The following LTA4H variants were observed in gnomAD, a reference collection of about 807,000 sequenced individuals.
The protein encoded by LTA4H is leukotriene A-4 hydrolase.
In LTA4H, 59 loss-of-function variants were observed where a neutral mutation model predicts 89.8. The observed-to-expected ratio is 0.66, with a 90% CI of 0.53 to 0.82. The LOEUF (loss-of-function observed/expected upper bound fraction) is 0.82, where lower values mean the gene tolerates loss of function less well. Among genes scored for constraint, LTA4H ranks in the 40% least tolerant of loss-of-function variants. The pLI is 0.00. For missense variants in LTA4H, 617 were observed against 727.0 expected (o/e 0.85, Z 1.74); for synonymous variants, 227 against 253.1 (o/e 0.90, Z 0.98).
chr12:96,039,230 G>GTAA (rs1023944377), upstream of LTA4H, among the ~76,000 whole-genome samples: 4 of 151,768 alleles, frequency 2.6e-5, no homozygotes, highest in Non-Finnish European at 5.9e-5. Flanking sequence ...ACAAATAATA[G>GTAA]TAATAATAAT....
At chr12:96,037,735 C>T (rs1001150063), upstream of LTA4H, among the ~76,000 whole-genome samples, 23 of 147,626 alleles carry the variant, frequency 1.6e-4, no homozygotes, top group Non-Finnish European at 2.7e-4. Flanking sequence ...GCTCTGTCGC[C>T]TAGGCTGGAG....
chr12:96,043,441 C>G, exon 1 of LTA4H: 2 of 959,994 alleles, frequency 2.1e-6, no homozygotes, highest in Non-Finnish European at 3.2e-6. Context: ...CATGCATCCT[C>G]TTGCCCTCTT....
At chr12:96,006,204 T>C (rs1950197139) in intron 16 of LTA4H, 110 bp downstream of exon 16, 2 of 575,486 alleles carry the variant, frequency 3.5e-6, no homozygotes, top group East Asian at 2.8e-5. Context: ...TTATAAATGA[T>C]TTTTTCCCCA....
At position 96,016,103 on chromosome 12, in the gene LTA4H, C is replaced by T. The variant is rs543007584; in HGVS notation, c.948-409G>A. Among the ~76,000 whole-genome samples, 37 of 152,006 alleles carry T rather than the reference C, an allele frequency of 2.4e-4. No individual in the cohort carries two copies. The South Asian group carries it at 4.4e-3, about 18-fold the overall frequency. Reference sequence around the variant, plus strand: ...CCGAGGCGGGAGAATTATCTGAGGTCAGGAGTTCAAGACCAGCCTGGCCAA... The same window carrying T: ...CCGAGGCGGGAGAATTATCTGAGGTTAGGAGTTCAAGACCAGCCTGGCCAA... On this transcript the variant is annotated intron_variant, in intron 10 of 18. Transcript: ENST00000228740.
intron 6 of LTA4H, 190 bp downstream of exon 6, chr12:96,020,895 G>C (rs1566011974): frequency 1.2e-5 from 6 of 514,248 alleles, no homozygotes; most frequent in Non-Finnish European, 2.1e-5. Context: ...GAAAAAATAA[G>C]GGGTAACTGG....
At chr12:96,013,020 G>T (rs1248232899) in intron 14 of LTA4H, 168 bp downstream of exon 14, 3 of 524,078 alleles carry the variant, frequency 5.7e-6, no homozygotes, top group Non-Finnish European at 1.0e-5. Flanking sequence ...TTTGTAAACT[G>T]CAGAAATTAT....
At chr12:96,018,313 G>T (rs1330195036) in intron 8 of LTA4H, among the ~76,000 whole-genome samples, 1 of 152,186 alleles carries the variant, frequency 6.6e-6, no homozygotes, top group East Asian at 1.9e-4. Flanking sequence ...CACTTTGGGA[G>T]GCCAAGGCAG....
intron 7 of LTA4H, 122 bp from the exon 8 acceptor site, chr12:96,019,025 T>C: frequency 8.3e-7 from 1 of 1,203,726 alleles, no homozygotes; most frequent in Non-Finnish European, 1.2e-6. Context: ...ATGAAAATGA[T>C]AAAAAGAATG....
intron 13 of LTA4H, 28 bp from the exon 14 acceptor site, chr12:96,013,286 C>A (rs762382669): frequency 7.3e-6 from 11 of 1,505,098 alleles, no homozygotes; most frequent in South Asian, 1.1e-5. Flanking sequence ...TCACAGTTTA[C>A]AATAGAATGC....
chr12:96,007,871 G>A (rs1312503038), intron 15 of LTA4H, among the ~76,000 whole-genome samples: 1 of 152,160 alleles, frequency 6.6e-6, no homozygotes, highest in Non-Finnish European at 1.5e-5. Flanking sequence ...TTCATGACAA[G>A]TTTGTCAACT....
At chr12:96,003,984 G>A (rs1950152417) in intron 16 of LTA4H, 64 bp from the exon 17 acceptor site, 2 of 868,142 alleles carry the variant, frequency 2.3e-6, no homozygotes, top group East Asian at 2.6e-5. Flanking sequence ...GAAAGGAGCT[G>A]GAGAGAAATG....
At chr12:96,033,878 T>C (rs889521550) in intron 1 of LTA4H, among the ~76,000 whole-genome samples, 1 of 152,250 alleles carries the variant, frequency 6.6e-6, no homozygotes, top group Non-Finnish European at 1.5e-5. Flanking sequence ...CAATTAAAGA[T>C]AGCATGGTAC....
At position 96,022,763 on chromosome 12, in the gene LTA4H, A is replaced by G. The variant is rs1208091729; in HGVS notation, c.481-512T>C. 7.9e-5 allele frequency among the ~76,000 whole-genome samples: 12 copies of G among 152,284 alleles called. No individual in the cohort carries two copies. Among genetic ancestry groups the G allele is most frequent in the Admixed American group, 5.2e-4 (8 of 15,302 alleles). ...AGGCTTGCTGCAAGGAATAAATAAT[A>G]TAAGTGAAGAGCCCAGCACCATCCC... On this transcript the variant is annotated intron_variant, in intron 4 of 18. Transcript: ENST00000228740. This position sits in a 1 kb window ranked among gnomAD's most constrained non-coding sequence, Gnocchi z 4.0.
chr12:96,014,858 G>C lies in LTA4H; in HGVS notation c.1201C>G (p.Pro401Ala). The change falls in exon 12 of 19, where the codon CCA becomes GCA. Residue 401 changes from proline to alanine, a missense_variant. Transcript: ENST00000228740. ...LFYLEQLLGG[P>A]EIFLGFLKAY... Reference sequence around the variant, plus strand: ...TCATAAAATACCAACTACTTACCTGGTCCTCCAAGCAGTTGTTCAAGGTAA... The same window carrying C: ...TCATAAAATACCAACTACTTACCTGCTCCTCCAAGCAGTTGTTCAAGGTAA... 1 of 1,603,760 alleles carries C rather than the reference G, an allele frequency of 6.2e-7. No individual in the cohort carries two copies. Among genetic ancestry groups the C allele is most frequent in the East Asian group, 2.2e-5 (1 of 44,738 alleles).
intron 1 of LTA4H, among the ~76,000 whole-genome samples, chr12:96,030,329 T>C (rs1330289822): frequency 1.3e-5 from 2 of 152,198 alleles, no homozygotes; most frequent in East Asian, 3.8e-4. Flanking sequence ...CTCTTACTCA[T>C]GCCCACATCT....
Position 96,022,497 on chromosome 12 carries a change from G to GTA in LTA4H, c.481-248_481-247dup, listed in dbSNP as rs751638864. Among the ~76,000 whole-genome samples the GTA allele has an allele frequency of 6.6e-6, 1 of 151,388 alleles. No individual in the cohort carries two copies. Among genetic ancestry groups the GTA allele is most frequent in the African/African-American group, 2.4e-5 (1 of 41,120 alleles). On this transcript the variant is annotated intron_variant, in intron 4 of 18. Coordinates refer to ENST00000228740, the MANE Select transcript of LTA4H (RefSeq NM_000895.3). The surrounding 1 kb of genome is among the most constrained non-coding windows in gnomAD (Gnocchi z 4.0). ...TATATATAAAACACATATACAAAAA[G>GTA]TATATATATACACATATACATATCA...
At chr12:96,039,704 CA>C (rs1950673994), upstream of LTA4H, among the ~76,000 whole-genome samples, 1 of 152,200 alleles carries the variant, frequency 6.6e-6, no homozygotes, top group Non-Finnish European at 1.5e-5. Flanking sequence ...GCAACATTAG[CA>C]AAGATATGTT....
intron 1 of LTA4H, among the ~76,000 whole-genome samples, chr12:96,034,130 C>A (rs139191171): frequency 1.3e-5 from 2 of 152,214 alleles, no homozygotes; most frequent in Middle Eastern, 3.4e-3. Context: ...GAAAAAGAGG[C>A]CTGAAAGCCA....
intron 15 of LTA4H, among the ~76,000 whole-genome samples, chr12:96,008,205 C>T (rs527385034): frequency 6.6e-5 from 10 of 152,068 alleles, no homozygotes; most frequent in Admixed American, 1.3e-4. Flanking sequence ...GTTGAAATTA[C>T]GTAAAAAAAT....
Sources: gnomAD v4.1 joint callset for allele counts (sites outside exome capture counted in the v4.1 genomes callset) on GRCh38, gnomAD v4.1.1 for gene constraint, Gnocchi (gnomAD v3.1) non-coding constraint, MANE v1.5 for transcripts, NCBI Gene and HGNC (gene_info 2026-07-23, HGNC 2026-07-21) for gene names.